The following RUNX1 variants were observed in gnomAD, a reference collection of about 807,000 sequenced individuals.
RUNX1 encodes the protein runt-related transcription factor 1.
Under a neutral mutation model 42.8 loss-of-function variants are expected in RUNX1, and 19 were observed. The ratio of observed to expected loss-of-function variants is 0.44; its 90% CI spans 0.31 to 0.65. The LOEUF is 0.65. Ranked by LOEUF, RUNX1 falls within the 30% of genes least tolerant of loss-of-function variation. The pLI is 0.07. For synonymous variants in RUNX1, 271 were observed against 289.4 expected (o/e 0.94, Z 0.64); for missense variants, 528 against 672.0 (o/e 0.79, Z 2.37).
chr21:34,825,274 T>A (rs149903875), intron 7 of RUNX1, among the ~76,000 whole-genome samples: 8 of 152,170 alleles, frequency 5.3e-5, no homozygotes, highest in Non-Finnish European at 8.8e-5. Flanking sequence ...TAAGCTGTCA[T>A]GAGCTTTTGG....
At chr21:34,981,553 G>T (rs1227572064) in intron 2 of RUNX1, among the ~76,000 whole-genome samples, 2 of 151,782 alleles carry the variant, frequency 1.3e-5, no homozygotes, top group East Asian at 3.9e-4. Context: ...AAATTTATTT[G>T]AAAGTCCAAA....
chr21:35,042,737 C>T (rs746934024), intron 2 of RUNX1, among the ~76,000 whole-genome samples: 20 of 152,290 alleles, frequency 1.3e-4, no homozygotes, highest in African/African-American at 2.4e-4. Flanking sequence ...TGCACCCCAC[C>T]GTATCAGCCT....
intron 7 of RUNX1, among the ~76,000 whole-genome samples, chr21:34,803,702 A>G (rs1401257838): frequency 6.6e-6 from 1 of 152,212 alleles, no homozygotes; most frequent in African/African-American, 2.4e-5. Context: ...TTAATCATCA[A>G]TAATGGGTAA....
chr21:34,845,197 CT>C (rs897446248), intron 6 of RUNX1, among the ~76,000 whole-genome samples: 1 of 152,252 alleles, frequency 6.6e-6, no homozygotes, highest in Non-Finnish European at 1.5e-5. Flanking sequence ...GTCCCACTGT[CT>C]GCCAGGTAAC....
At chr21:34,888,802 G>A (rs962828303) in intron 3 of RUNX1, 19 of 562,608 alleles carry the variant, frequency 3.4e-5, no homozygotes, top group South Asian at 7.9e-5. Flanking sequence ...AGGCCTTTCC[G>A]GTATCAGCCA....
intron 2 of RUNX1, among the ~76,000 whole-genome samples, chr21:34,909,473 TGAA>T (rs2058253539): frequency 6.6e-6 from 1 of 151,522 alleles, no homozygotes; most frequent in Non-Finnish European, 1.5e-5. Flanking sequence ...ATGGGATAGA[TGAA>T]GAAGGTGGTA....
rs1444733616 is a variant in RUNX1 at position 34,791,255 on chromosome 21, T to C, written c.*880A>G. On this transcript the variant is annotated 3_prime_UTR_variant, in exon 9 of 9. Coordinates refer to ENST00000675419, the MANE Select transcript of RUNX1 (RefSeq NM_001754.5). ...CTTCTTCAATGTGATACATTTAACT[T>C]TGGCTACTATCAAGAACAAAAGAAA... The C allele has an allele frequency of 8.6e-6, 2 of 233,028 alleles. No homozygotes were observed. The highest frequency in any genetic ancestry group is 6.1e-5 in the East Asian group (1 of 16,418). 14.4% of individuals were successfully genotyped at this position (233,028 alleles called of 1,614,324 possible). A position where few individuals can be genotyped will look rare whatever the true frequency, so the allele number is the denominator to read the frequency against.
At chr21:34,956,874 G>T (rs1168927506) in intron 2 of RUNX1, among the ~76,000 whole-genome samples, 1 of 152,144 alleles carries the variant, frequency 6.6e-6, no homozygotes, top group Non-Finnish European at 1.5e-5. Context: ...ACTTCCATTT[G>T]TGAGGTAAAC....
intron 2 of RUNX1, among the ~76,000 whole-genome samples, chr21:34,979,000 G>C (rs1232622315): frequency 2.9e-5 from 4 of 136,734 alleles, no homozygotes; most frequent in African/African-American, 1.1e-4. Flanking sequence ...TCCATCCTGG[G>C]CCAGGTAGGT....
chr21:34,799,196 C>T lies in RUNX1; in HGVS notation c.967+105G>A, dbSNP rs2056572830. 8.7e-6 allele frequency: 11 copies of T among 1,260,686 alleles called. No homozygotes were observed. In the South Asian group the frequency reaches 1.3e-4, roughly 15 times the overall value. 78.1% of individuals were successfully genotyped at this position (1,260,686 alleles called of 1,614,324 possible). A position where few individuals can be genotyped will look rare whatever the true frequency, so the allele number is the denominator to read the frequency against. ...AGAGTAGAGATAGGTCACCTTTAAA[C>T]CATGTTTTACTCAATAATGTTCTGC... is the stretch of plus-strand genomic sequence containing the variant. On this transcript the variant is annotated intron_variant, in intron 8 of 8. Transcript: ENST00000675419.
chr21:35,014,647 T>G (rs2059147440), intron 2 of RUNX1, among the ~76,000 whole-genome samples: 1 of 152,174 alleles, frequency 6.6e-6, no homozygotes, highest in Non-Finnish European at 1.5e-5. Context: ...TGCCCCATAG[T>G]TTTTACAATG....
chr21:34,888,617 G>T, intron 3 of RUNX1: 2 of 1,056,928 alleles, frequency 1.9e-6, no homozygotes, highest in Non-Finnish European at 2.3e-6. Context: ...TGGCGGCGCA[G>T]GGCCGGGCAG....
chr21:34,987,876 T>C (rs1200065738), intron 2 of RUNX1, among the ~76,000 whole-genome samples: 1 of 152,138 alleles, frequency 6.6e-6, no homozygotes, highest in Non-Finnish European at 1.5e-5. Flanking sequence ...GACAGTCTTG[T>C]GTGATGCCAG....
At chr21:34,912,212 C>A (rs892392239) in intron 2 of RUNX1, among the ~76,000 whole-genome samples, 2 of 148,196 alleles carry the variant, frequency 1.3e-5, no homozygotes, top group African/African-American at 5.0e-5. Context: ...AGCCTACGTA[C>A]CCTGAGGCAT....
chr21:35,035,708 G>T (rs983342295), intron 2 of RUNX1, among the ~76,000 whole-genome samples: 1 of 152,162 alleles, frequency 6.6e-6, no homozygotes, highest in Non-Finnish European at 1.5e-5. Flanking sequence ...CAACAGTGCG[G>T]AGGACACGGG....
chr21:34,953,206 A>G (rs2058621393), intron 2 of RUNX1, among the ~76,000 whole-genome samples: 1 of 152,126 alleles, frequency 6.6e-6, no homozygotes, highest in Admixed American at 6.5e-5. Context: ...AAGCGTTGAC[A>G]AGTGCCTGTT....
intron 5 of RUNX1, among the ~76,000 whole-genome samples, chr21:34,860,156 T>C (rs146259318): frequency 1.3e-3 from 199 of 152,340 alleles, no homozygotes; most frequent in African/African-American, 4.5e-3. Flanking sequence ...CAGAATAAAA[T>C]TGATGACTCA....
intron 6 of RUNX1, among the ~76,000 whole-genome samples, chr21:34,844,191 A>T (rs79008866): frequency 0.028 from 4,301 of 152,326 alleles, 70 homozygotes; most frequent in African/African-American, 0.044. Flanking sequence ...TCTAAAGAGA[A>T]GGCGACTTGC....
intron 4 of RUNX1, among the ~76,000 whole-genome samples, chr21:34,884,812 T>A (rs2057956682): frequency 6.6e-6 from 1 of 152,194 alleles, no homozygotes; most frequent in Non-Finnish European, 1.5e-5. Flanking sequence ...CCCTAAATGT[T>A]CTCAGGGGAT....
Sources: gnomAD v4.1 joint callset for allele counts (sites outside exome capture counted in the v4.1 genomes callset) on GRCh38, gnomAD v4.1.1 for gene constraint, MANE v1.5 for transcripts, NCBI Gene and HGNC (gene_info 2026-07-23, HGNC 2026-07-21) for gene names.